The following DUSP16 variants were observed in gnomAD, a reference collection of about 807,000 sequenced individuals.
DUSP16 encodes dual specificity phosphatase 16.
DUSP16 carries 21 observed loss-of-function variants against 58.3 expected under a neutral mutation model. That is an observed-to-expected ratio of 0.36 (90% CI 0.26 to 0.52). The LOEUF (loss-of-function observed/expected upper bound fraction) is 0.52, where lower values mean the gene tolerates loss of function less well. DUSP16 is among the 20% of genes least tolerant of loss of function. The pLI, the probability that DUSP16 is intolerant of heterozygous loss-of-function variation, is 0.94. For missense variants in DUSP16, 726 were observed against 819.0 expected, an observed-to-expected ratio of 0.89 and a Z score of 1.39; for synonymous variants, 320 against 323.8, an observed-to-expected ratio of 0.99 and a Z score of 0.12.
At chr12:12,481,416 A>G (rs1943562296) in intron 5 of DUSP16, among the ~76,000 whole-genome samples, 1 of 152,204 alleles carries the variant, frequency 6.6e-6, no homozygotes, top group Non-Finnish European at 1.5e-5. Context: ...TCAGTCATGA[A>G]GCTGAATTCT....
intron 1 of DUSP16, among the ~76,000 whole-genome samples, chr12:12,538,988 A>C (rs1364622516): frequency 6.6e-6 from 1 of 152,228 alleles, no homozygotes; most frequent in African/African-American, 2.4e-5. Flanking sequence ...TTACACATTA[A>C]AATCATCTGG....
At chr12:12,535,076 A>C (rs1944445929) in intron 1 of DUSP16, among the ~76,000 whole-genome samples, 1 of 152,250 alleles carries the variant, frequency 6.6e-6, no homozygotes, top group African/African-American at 2.4e-5. Context: ...TTCTAAAAGC[A>C]GAAATAACCT....
chr12:12,519,717 A>G (rs1944201617), intron 3 of DUSP16, 145 bp downstream of exon 3: 1 of 794,538 alleles, frequency 1.3e-6, no homozygotes, highest in Non-Finnish European at 2.0e-6. Context: ...GTTAAATAGA[A>G]CGGTGACATC....
intron 1 of DUSP16, among the ~76,000 whole-genome samples, chr12:12,559,082 C>T (rs1384588469): frequency 1.3e-5 from 2 of 152,250 alleles, no homozygotes; most frequent in Admixed American, 6.5e-5. Context: ...CTTCACACAG[C>T]CAACCCTTGA....
intron 4 of DUSP16, among the ~76,000 whole-genome samples, chr12:12,489,386 C>G (rs1025521829): frequency 2.6e-5 from 4 of 152,148 alleles, no homozygotes; most frequent in African/African-American, 9.7e-5. Flanking sequence ...CTAGTACTAT[C>G]TGATCAACAA....
In DUSP16 at chr12:12,476,919, A is replaced by C. The variant is rs1263723132; in HGVS notation, c.1912T>G (p.Ser638Ala). The C allele has an allele frequency of 6.2e-7, 1 of 1,614,048 alleles. No homozygotes were observed. The highest frequency in any genetic ancestry group is 8.5e-7 in the Non-Finnish European group (1 of 1,180,032). ...CQMEFGESIM[S>A]ENRSREELGK... The stretch of plus-strand genomic sequence containing the variant: ...AGCTCTTCCCGTGACCTGTTCTCTG[A>C]CATGATGCTCTCTCCAAATTCCATT... The change falls in exon 7 of 7, where the codon TCA becomes GCA. Residue 638 changes from serine (S) to alanine (A), a missense_variant. Ser to Ala is a moderately conservative substitution (Grantham distance 99). Coordinates refer to ENST00000298573, the MANE Select transcript of DUSP16 (RefSeq NM_030640.3).
chr12:12,512,509 C>T (rs959292), intron 3 of DUSP16, among the ~76,000 whole-genome samples: 1 of 152,178 alleles, frequency 6.6e-6, no homozygotes. Context: ...CCCCTGGTAA[C>T]CACCGTTCTA....
intron 5 of DUSP16, among the ~76,000 whole-genome samples, chr12:12,483,989 TTTAAAAA>T: frequency 6.6e-6 from 1 of 151,652 alleles, no homozygotes; most frequent in Non-Finnish European, 1.5e-5. Context: ...AATAAAAAAA[TTTAAAAA>T]TTAAAAAAAA....
intron 5 of DUSP16, among the ~76,000 whole-genome samples, chr12:12,485,786 CTTTTTTT>C (rs749939375): frequency 1.9e-5 from 2 of 107,700 alleles, no homozygotes; most frequent in African/African-American, 7.9e-5. Context: ...GCCAATTCCA[CTTTTTTT>C]TTTTTTTTTT....
At chr12:12,544,453 C>G (rs945561395) in intron 1 of DUSP16, among the ~76,000 whole-genome samples, 1 of 152,106 alleles carries the variant, frequency 6.6e-6, no homozygotes, top group Non-Finnish European at 1.5e-5. Flanking sequence ...AGCATAAGTA[C>G]ACATTTCTGT....
In DUSP16 at chr12:12,521,315, C is replaced by T. The variant is rs1355893834; in HGVS notation, c.-217G>A. 4.2e-6 allele frequency: 6 copies of T among 1,413,718 alleles called. No homozygotes were observed. Among genetic ancestry groups the T allele is most frequent in the African/African-American group, 1.4e-5 (1 of 69,278 alleles). 87.6% of individuals were successfully genotyped at this position (1,413,718 alleles called of 1,614,324 possible). A position where few individuals can be genotyped will look rare whatever the true frequency, so the allele number is the denominator to read the frequency against. On this transcript the variant is annotated 5_prime_UTR_variant, in exon 2 of 7. Transcript: ENST00000298573. The stretch of plus-strand genomic sequence containing the variant: ...GTTGATGTGCTCTTGCAAAGGACTC[C>T]GTCCACAAAGCAGCCCCTCACATTT...
At chr12:12,482,891 T>C (rs1943599709) in intron 5 of DUSP16, among the ~76,000 whole-genome samples, 1 of 152,118 alleles carries the variant, frequency 6.6e-6, no homozygotes, top group Non-Finnish European at 1.5e-5. Flanking sequence ...TTGAAAATTT[T>C]TTGTAGAGAC....
chr12:12,543,311 T>C (rs984312092), intron 1 of DUSP16, among the ~76,000 whole-genome samples: 6 of 152,168 alleles, frequency 3.9e-5, no homozygotes, highest in Admixed American at 3.3e-4. Flanking sequence ...TTGAGGATAG[T>C]GGGCCATGTG....
intron 1 of DUSP16, among the ~76,000 whole-genome samples, chr12:12,557,298 C>CA (rs557701460): frequency 1.1e-3 from 172 of 150,092 alleles, no homozygotes; most frequent in Non-Finnish European, 1.6e-3. Context: ...TACTAAAATA[C>CA]AAAAAAAAAT....
At chr12:12,514,953 C>T (rs1363190782) in intron 3 of DUSP16, among the ~76,000 whole-genome samples, 2 of 152,202 alleles carry the variant, frequency 1.3e-5, no homozygotes, top group Non-Finnish European at 2.9e-5. Flanking sequence ...GCCACCATGC[C>T]TGGCACCTTG....
At chr12:12,533,547 C>T (rs1261718672) in intron 1 of DUSP16, among the ~76,000 whole-genome samples, 1 of 152,198 alleles carries the variant, frequency 6.6e-6, no homozygotes, top group African/African-American at 2.4e-5. Flanking sequence ...TGCTCAGCTT[C>T]AACAGCAAAA....
intron 1 of DUSP16, among the ~76,000 whole-genome samples, chr12:12,557,564 G>A (rs1944826385): frequency 6.6e-6 from 1 of 151,610 alleles, no homozygotes; most frequent in South Asian, 2.1e-4. Context: ...TGGTTAATGT[G>A]TAGATTTTTA....
chr12:12,548,918 C>T (rs1484183595), intron 1 of DUSP16, among the ~76,000 whole-genome samples: 1 of 152,080 alleles, frequency 6.6e-6, no homozygotes, highest in Non-Finnish European at 1.5e-5. Flanking sequence ...ATGATCATGA[C>T]TTTATCCCTC....
intron 1 of DUSP16, among the ~76,000 whole-genome samples, chr12:12,522,892 T>G (rs1298722873): frequency 6.6e-6 from 1 of 152,212 alleles, no homozygotes; most frequent in Admixed American, 6.5e-5. Context: ...TTGCAAAAGT[T>G]TATTATATTT....
Sources: gnomAD v4.1 joint callset for allele counts (sites outside exome capture counted in the v4.1 genomes callset) on GRCh38, gnomAD v4.1.1 for gene constraint, MANE v1.5 for transcripts, NCBI Gene and HGNC (gene_info 2026-07-23, HGNC 2026-07-21) for gene names.